Variants in PRMT8 observed in about 807,000 individuals in gnomAD.
PRMT8 encodes protein arginine N-methyltransferase 8.
PRMT8 carries 7 observed loss-of-function variants against 47.1 expected under a neutral mutation model. The ratio of observed to expected loss-of-function variants is 0.15; its 90% CI spans 0.08 to 0.28. PRMT8 has a LOEUF of 0.28. PRMT8 is among the 10% of genes least tolerant of loss of function. The pLI is 1.00. For missense variants in PRMT8, 237 were observed against 505.4 expected (o/e 0.47, Z 5.09); for synonymous variants, 188 against 186.5 (o/e 1.01, Z -0.07).
At chr12:3,537,187 T>TACA (rs1328666066) in intron 1 of PRMT8, among the ~76,000 whole-genome samples, 2 of 152,242 alleles carry the variant, frequency 1.3e-5, no homozygotes, top group African/African-American at 2.4e-5. Flanking sequence ...GCTGTGGTTG[T>TACA]TTTGGTGGGA....
rs1435869444 is a variant in PRMT8 at position 3,456,290 on chromosome 12, G to T, written c.48+74848G>T. On this transcript the variant is annotated intron_variant, in intron 1 of 9. Transcript: ENST00000452611. The surrounding 1 kb of genome is among the most constrained non-coding windows in gnomAD (Gnocchi z 4.2). ...ACTGTTCTCCATGGCCCAAACTACA[G>T]TTCCTCTGGGGGTGGTTCATTTACA... Among the ~76,000 whole-genome samples, 3 of 152,152 alleles carry T rather than the reference G, an allele frequency of 2.0e-5. No individual in the cohort carries two copies. The highest frequency in any genetic ancestry group is 1.9e-4 in the East Asian group (1 of 5,192).
At chr12:3,443,946 C>G (rs1431255400) in intron 1 of PRMT8, among the ~76,000 whole-genome samples, 1 of 152,220 alleles carries the variant, frequency 6.6e-6, no homozygotes, top group Non-Finnish European at 1.5e-5. Flanking sequence ...CAAGGCATTT[C>G]TTTCGTCTAA....
chr12:3,451,033 A>ACCCCCCCCCCCCCCCCCCC (rs71061115), intron 1 of PRMT8, among the ~76,000 whole-genome samples: 1 of 26,088 alleles, frequency 3.8e-5, no homozygotes, highest in African/African-American at 1.5e-4. Context: ...TCTTGCTGAC[A>ACCCCCCCCCCCCCCCCCCC]CCCCCCCCCC....
chr12:3,454,280 G>T (rs1377595040), intron 1 of PRMT8, among the ~76,000 whole-genome samples: 1 of 152,168 alleles, frequency 6.6e-6, no homozygotes, highest in Non-Finnish European at 1.5e-5. Flanking sequence ...TGGATTCCCA[G>T]GACCTGGTTC....
intron 7 of PRMT8, 117 bp from the exon 8 acceptor site, chr12:3,582,941 A>AAGAT (rs1867097573): frequency 8.0e-7 from 1 of 1,251,598 alleles, no homozygotes; most frequent in African/African-American, 1.5e-5. Flanking sequence ...CCCAAGAATA[A>AAGAT]AGATATCCCT....
chr12:3,490,686 A>AGAGC (rs544602556), upstream of PRMT8, among the ~76,000 whole-genome samples: 756 of 89,920 alleles, frequency 8.4e-3, 10 homozygotes, highest in African/African-American at 0.029. Context: ...AGAGAGAGAG[A>AGAGC]GAGAGAGAGA....
In PRMT8 at chr12:3,584,477, G is replaced by A. The variant is rs145268843; in HGVS notation, c.979+1269G>A. 7.0e-3 allele frequency among the ~76,000 whole-genome samples: 1,059 copies of A among 152,246 alleles called. 17 individuals are homozygous for A. Among genetic ancestry groups the A allele is most frequent in the African/African-American group, 0.024 (982 of 41,518 alleles). On this transcript the variant is annotated intron_variant, in intron 8 of 9. Transcript: ENST00000382622. Reference sequence around the variant, plus strand: ...TTACCTGATCCCCGCTTTCCCTTTGGGTCAAGGTTCGATGTCCTCAGGGTG... The same window carrying A: ...TTACCTGATCCCCGCTTTCCCTTTGAGTCAAGGTTCGATGTCCTCAGGGTG...
intron 1 of PRMT8, among the ~76,000 whole-genome samples, chr12:3,472,811 C>T (rs1174852665): frequency 1.3e-5 from 2 of 151,986 alleles, no homozygotes. Flanking sequence ...TCTTCACCAC[C>T]CAGGGAACTA....
intron 1 of PRMT8, among the ~76,000 whole-genome samples, chr12:3,420,912 C>T (rs184854143): frequency 2.0e-5 from 3 of 152,234 alleles, no homozygotes; most frequent in East Asian, 1.9e-4. Context: ...AGTGCAGTTC[C>T]GTGGGGAAGG....
chr12:3,451,320 C>G (rs921342826), intron 1 of PRMT8, among the ~76,000 whole-genome samples: 1 of 152,138 alleles, frequency 6.6e-6, no homozygotes, highest in African/African-American at 2.4e-5. Flanking sequence ...GAGTGACACA[C>G]CCAAAGTCTT....
chr12:3,589,642 G>C (rs1379577648), intron 8 of PRMT8, among the ~76,000 whole-genome samples: 2 of 152,158 alleles, frequency 1.3e-5, no homozygotes, highest in African/African-American at 4.8e-5. Flanking sequence ...TGGGAAAACT[G>C]GTTTAGACAA....
Position 3,557,291 on chromosome 12 carries a change from C to T in PRMT8, c.481+3577C>T, listed in dbSNP as rs936820249. ...GAAGGTTGCCGGGATCAGGGCTTTG[C>T]TGGGAGCATGCAGCAGAGGGAGGGG... On this transcript the variant is annotated intron_variant, in intron 4 of 9. Transcript: ENST00000382622. The surrounding 1 kb of genome is among the most constrained non-coding windows in gnomAD (Gnocchi z 4.7). 6.6e-6 allele frequency among the ~76,000 whole-genome samples: 1 copy of T among 152,090 alleles called. No homozygotes were observed. Among genetic ancestry groups the T allele is most frequent in the Non-Finnish European group, 1.5e-5 (1 of 68,002 alleles).
chr12:3,461,030 G>A (rs1240559150), intron 1 of PRMT8, among the ~76,000 whole-genome samples: 2 of 152,062 alleles, frequency 1.3e-5, no homozygotes, highest in Admixed American at 6.5e-5. Flanking sequence ...AGGGTGTCAG[G>A]GCTTTACTTT....
intron 1 of PRMT8, among the ~76,000 whole-genome samples, chr12:3,394,747 C>T (rs1481998866): frequency 6.6e-6 from 1 of 151,974 alleles, no homozygotes; most frequent in East Asian, 1.9e-4. Flanking sequence ...GGGAGGATTC[C>T]CTCTTTTCCT....
rs75321872 is a variant in PRMT8 at position 3,528,422 on chromosome 12, T to C, written c.76-12184T>C. ...AGTTCACTAATATTTTCTTCTGTAA[T>C]GTCTAATCTGCTATTAACCTCAATC... is the stretch of plus-strand genomic sequence containing the variant. On this transcript the variant is annotated intron_variant, in intron 1 of 9. Coordinates refer to ENST00000382622, the MANE Select transcript of PRMT8 (RefSeq NM_019854.5). 7.4e-4 allele frequency among the ~76,000 whole-genome samples: 113 copies of C among 152,334 alleles called. 1 individual carries two copies. Among genetic ancestry groups the C allele is most frequent in the Middle Eastern group, 6.8e-3 (2 of 294 alleles).
At chr12:3,427,657 T>C (rs1864619784) in intron 1 of PRMT8, among the ~76,000 whole-genome samples, 1 of 152,158 alleles carries the variant, frequency 6.6e-6, no homozygotes, top group African/African-American at 2.4e-5. Context: ...ATATAACATT[T>C]CTTGCATAAA....
intron 1 of PRMT8, among the ~76,000 whole-genome samples, chr12:3,383,027 AG>A (rs1276889788): frequency 2.0e-5 from 3 of 152,176 alleles, no homozygotes; most frequent in Admixed American, 6.5e-5. Context: ...TATTTGTGCA[AG>A]TCTATTTCTG....
chr12:3,584,592 T>C (rs1235106285), intron 8 of PRMT8, among the ~76,000 whole-genome samples: 3 of 152,166 alleles, frequency 2.0e-5, no homozygotes, highest in African/African-American at 4.8e-5. Flanking sequence ...CAAAAGAGTA[T>C]AAAAAGTCAA....
chr12:3,420,682 T>C (rs562498314), intron 1 of PRMT8, among the ~76,000 whole-genome samples: 62 of 152,322 alleles, frequency 4.1e-4, no homozygotes, highest in African/African-American at 1.4e-3. Flanking sequence ...TCCAGCTCAG[T>C]CTCTTGCTGC....
Sources: allele counts gnomAD v4.1 joint callset (sites outside exome capture counted in the v4.1 genomes callset), GRCh38; gene constraint gnomAD v4.1.1; non-coding constraint Gnocchi (gnomAD v3.1); transcripts MANE v1.5; gene names NCBI Gene and HGNC (gene_info 2026-07-23, HGNC 2026-07-21).